The following SLC1A1 variants were observed in gnomAD, a reference collection of about 807,000 sequenced individuals.
SLC1A1 encodes the protein solute carrier family 1 member 1, also known as excitatory amino acid transporter 3.
A neutral mutation model predicts 53.3 loss-of-function variants in SLC1A1; 43 were observed. The observed-to-expected ratio is 0.81, with a 90% CI of 0.63 to 1.04. The LOEUF is 1.04. SLC1A1 is among the 50% of genes least tolerant of loss of function. SLC1A1 has a pLI of 0.00. For missense variants in SLC1A1, 748 were observed against 664.9 expected (o/e 1.12, Z -1.37); for synonymous variants, 307 against 243.2 (o/e 1.26, Z -2.44).
intron 1 of SLC1A1, among the ~76,000 whole-genome samples, chr9:4,527,024 A>C (rs6476873): frequency 0.7 from 106,626 of 152,000 alleles, 38,791 homozygotes; most frequent in Non-Finnish European, 0.81. Flanking sequence ...CTGACTTAAT[A>C]AAGTGGAAGC....
At chr9:4,565,972 T>C in intron 4 of SLC1A1, 75 bp from the exon 5 acceptor site, 1 of 1,106,522 alleles carries the variant, frequency 9.0e-7, no homozygotes, top group Admixed American at 1.7e-5. Context: ...TTATACTAAT[T>C]TCTACCAATA....
intron 1 of SLC1A1, among the ~76,000 whole-genome samples, chr9:4,531,420 G>T (rs1234447952): frequency 6.6e-6 from 1 of 152,198 alleles, no homozygotes; most frequent in African/African-American, 2.4e-5. Context: ...TCCTGCGCCT[G>T]GCTCAGAGGG....
intron 1 of SLC1A1, among the ~76,000 whole-genome samples, chr9:4,508,953 G>A (rs369482919): frequency 2.0e-4 from 30 of 152,076 alleles, no homozygotes; most frequent in East Asian, 9.6e-4. Context: ...AGGAGAGCAC[G>A]AATTAGACCT....
rs112854332 is a variant in SLC1A1 at position 4,566,439 on chromosome 9, A to C, written c.483+350A>C. Among the ~76,000 whole-genome samples, 3 of 152,292 alleles carry C rather than the reference A, an allele frequency of 2.0e-5. 1 individual carries two copies. The highest frequency in any genetic ancestry group is 7.2e-5 in the African/African-American group (3 of 41,564). On this transcript the variant is annotated intron_variant, in intron 5 of 11. Coordinates refer to ENST00000262352, the MANE Select transcript of SLC1A1 (RefSeq NM_004170.6). ...ATAGTATATTTGTACTGAAGTTTAA[A>C]CTTTCTGCAGAAAAAAGGTAGCTCT... is the stretch of plus-strand genomic sequence containing the variant.
At chr9:4,581,818 C>T (rs1209958785) in intron 10 of SLC1A1, among the ~76,000 whole-genome samples, 1 of 152,178 alleles carries the variant, frequency 6.6e-6, no homozygotes, top group Non-Finnish European at 1.5e-5. Context: ...AATGAAAATA[C>T]ACTTGTCAAA....
chr9:4,574,326 T>C (rs970089387), intron 8 of SLC1A1, among the ~76,000 whole-genome samples: 4 of 152,242 alleles, frequency 2.6e-5, no homozygotes, highest in African/African-American at 9.6e-5. Context: ...GGCTCTCTCC[T>C]GGCCTTCATT....
In SLC1A1 at chr9:4,586,571, G is replaced by C. The variant is rs1472965701; in HGVS notation, c.*1013G>C. 6.6e-6 allele frequency: 1 copy of C among 152,154 alleles called. No individual in the cohort carries two copies. The highest frequency in any genetic ancestry group is 2.4e-5 in the African/African-American group (1 of 41,438). The allele number at this position is 152,154 out of a possible 1,614,324, so 9.4% of individuals were successfully genotyped here. On this transcript the variant is annotated 3_prime_UTR_variant, in exon 12 of 12. Coordinates refer to ENST00000262352, the MANE Select transcript of SLC1A1 (RefSeq NM_004170.6). ...ACAAAGCTGTCACTCACAAAAGGCT[G>C]GATGTGCTTTCATCCAACTGGAAGG...
chr9:4,567,155 C>A (rs1200848223), intron 5 of SLC1A1, among the ~76,000 whole-genome samples: 1 of 152,234 alleles, frequency 6.6e-6, no homozygotes, highest in Non-Finnish European at 1.5e-5. Flanking sequence ...GAGAATTCAA[C>A]TGCAGTCTCA....
intron 2 of SLC1A1, among the ~76,000 whole-genome samples, chr9:4,545,782 G>A (rs925165359): frequency 7.9e-5 from 12 of 152,208 alleles, no homozygotes; most frequent in African/African-American, 2.9e-4. Flanking sequence ...GGGCTCCTTT[G>A]AAGAGGAAGC....
intron 1 of SLC1A1, among the ~76,000 whole-genome samples, chr9:4,530,497 C>T (rs1047821668): frequency 1.3e-5 from 2 of 152,168 alleles, no homozygotes; most frequent in Non-Finnish European, 2.9e-5. Flanking sequence ...CTAGTTTTTC[C>T]TGCAGGCCCA....
intron 3 of SLC1A1, among the ~76,000 whole-genome samples, chr9:4,561,846 G>C (rs1376996526): frequency 6.6e-6 from 1 of 151,994 alleles, no homozygotes; most frequent in African/African-American, 2.4e-5. Context: ...AAAACTTTAT[G>C]GTACTTTGAC....
intron 1 of SLC1A1, among the ~76,000 whole-genome samples, chr9:4,522,101 G>C (rs966321200): frequency 7.8e-5 from 11 of 141,714 alleles, no homozygotes; most frequent in South Asian, 4.5e-4. Flanking sequence ...GCCCAGGCTG[G>C]AGTGCAGTGG....
chr9:4,515,210 T>C (rs891046982), intron 1 of SLC1A1, among the ~76,000 whole-genome samples: 1 of 152,178 alleles, frequency 6.6e-6, no homozygotes, highest in Non-Finnish European at 1.5e-5. Context: ...TCTTCTAACC[T>C]ATCTCAGATT....
At chr9:4,535,657 C>G (rs941121357) in intron 1 of SLC1A1, among the ~76,000 whole-genome samples, 3 of 152,024 alleles carry the variant, frequency 2.0e-5, no homozygotes, top group African/African-American at 7.2e-5. Flanking sequence ...AGATTCAATG[C>G]CATCCCCATC....
At chr9:4,550,687 G>A (rs1389665404) in intron 2 of SLC1A1, among the ~76,000 whole-genome samples, 2 of 152,124 alleles carry the variant, frequency 1.3e-5, no homozygotes, top group East Asian at 3.8e-4. Context: ...CACCACACCT[G>A]CCCTACTTTT....
Position 4,538,737 on chromosome 9 carries a change from G to C in SLC1A1, c.92-5830G>C, listed in dbSNP as rs77071980. On this transcript the variant is annotated intron_variant, in intron 1 of 11. Coordinates refer to ENST00000262352, the MANE Select transcript of SLC1A1 (RefSeq NM_004170.6). ...CTGTGCTTTGAGCCGGAATTCCCGTGAAGAGCCTGTATTGGTGGAGCTACT... is the reference window on the plus strand; with the variant it reads ...CTGTGCTTTGAGCCGGAATTCCCGTCAAGAGCCTGTATTGGTGGAGCTACT... Among the ~76,000 whole-genome samples the C allele has an allele frequency of 3.9e-5, 6 of 152,218 alleles. No homozygotes were observed. In the South Asian group the frequency reaches 1.2e-3, roughly 31 times the overall value.
intron 1 of SLC1A1, among the ~76,000 whole-genome samples, chr9:4,495,447 G>C (rs932743820): frequency 5.3e-5 from 8 of 152,156 alleles, no homozygotes; most frequent in Non-Finnish European, 8.8e-5. Flanking sequence ...CTACTGTATA[G>C]AGCATGTTAG....
chr9:4,539,558 G>A (rs1202226682), intron 1 of SLC1A1, among the ~76,000 whole-genome samples: 1 of 151,864 alleles, frequency 6.6e-6, no homozygotes, highest in Admixed American at 6.6e-5. Flanking sequence ...CTTTCTTTGT[G>A]TTTTACCAAC....
chr9:4,510,274 C>G (rs555424063), intron 1 of SLC1A1, among the ~76,000 whole-genome samples: 1 of 152,288 alleles, frequency 6.6e-6, no homozygotes, highest in South Asian at 2.1e-4. Context: ...AGCCCTAGGC[C>G]TCTACATCTA....
Sources: gnomAD v4.1 joint callset for allele counts (sites outside exome capture counted in the v4.1 genomes callset) on GRCh38, gnomAD v4.1.1 for gene constraint, MANE v1.5 for transcripts, NCBI Gene and HGNC (gene_info 2026-07-23, HGNC 2026-07-21) for gene names.